ROBO1: variants seen among roughly 807,000 people sequenced by gnomAD.
ROBO1 encodes the protein roundabout homolog 1.
Under a neutral mutation model 195.9 loss-of-function variants are expected in ROBO1, and 149 were observed. That is an observed-to-expected ratio of 0.76 (90% CI 0.67 to 0.87). ROBO1 has a LOEUF of 0.87. Among genes scored for constraint, ROBO1 ranks in the 40% least tolerant of loss-of-function variants. ROBO1 has a pLI of 0.00. For synonymous variants in ROBO1, 816 were observed against 733.2 expected, an observed-to-expected ratio of 1.11 and a Z score of -1.82; for missense variants, 1,933 against 2,068.3, an observed-to-expected ratio of 0.93 and a Z score of 1.27.
At chr3:79,005,354 A>G (rs1391897624) in intron 3 of ROBO1, among the ~76,000 whole-genome samples, 2 of 152,214 alleles carry the variant, frequency 1.3e-5, no homozygotes, top group African/African-American at 4.8e-5. Context: ...GATGTCTTAC[A>G]TGAGTAATGC....
chr3:79,547,635 T>C (rs1451433906), intron 2 of ROBO1, among the ~76,000 whole-genome samples: 1 of 152,190 alleles, frequency 6.6e-6, no homozygotes, highest in Non-Finnish European at 1.5e-5. Context: ...ATGTATGTGA[T>C]ACTTGTGCAG....
At chr3:78,687,952 A>G (rs1309269931) in intron 9 of ROBO1, among the ~76,000 whole-genome samples, 10 of 152,202 alleles carry the variant, frequency 6.6e-5, no homozygotes, top group Admixed American at 6.6e-4. Flanking sequence ...TTATTGAAGA[A>G]GGCAAACCAT....
intron 1 of ROBO1, among the ~76,000 whole-genome samples, chr3:79,646,178 A>G (rs919673763): frequency 3.9e-5 from 6 of 152,166 alleles, no homozygotes; most frequent in Non-Finnish European, 5.9e-5. Context: ...ATTAATAACC[A>G]GAATACAAAA....
In ROBO1 at chr3:78,694,075, T is replaced by G. The variant is rs373885887; in HGVS notation, c.1046-5303A>C. ...GGTGCATAGAAAAAAGTGAATAAAT[T>G]ACAAGAACTAAGAAAACTTTATAAT... is the stretch of plus-strand genomic sequence containing the variant. On this transcript the variant is annotated intron_variant, in intron 8 of 30. Transcript: ENST00000464233. Among the ~76,000 whole-genome samples the G allele has an allele frequency of 3.9e-5, 6 of 152,284 alleles. No homozygotes were observed. In the East Asian group the frequency reaches 5.8e-4, roughly 15 times the overall value.
intron 4 of ROBO1, among the ~76,000 whole-genome samples, chr3:78,930,583 T>C (rs1481969896): frequency 6.6e-6 from 1 of 152,162 alleles, no homozygotes; most frequent in Non-Finnish European, 1.5e-5. Flanking sequence ...TAATCCAAAC[T>C]TCCAATTCCA....
At chr3:79,341,730 T>C (rs1358740632) in intron 2 of ROBO1, among the ~76,000 whole-genome samples, 2 of 152,186 alleles carry the variant, frequency 1.3e-5, no homozygotes, top group Non-Finnish European at 1.5e-5. Context: ...CATCTATTTA[T>C]AGTAGTTTTT....
intron 2 of ROBO1, among the ~76,000 whole-genome samples, chr3:79,478,513 T>C (rs1938660942): frequency 2.6e-5 from 4 of 152,278 alleles, no homozygotes; most frequent in Admixed American, 1.3e-4. Flanking sequence ...TATTTATATG[T>C]CGATTGTGCA....
At chr3:79,164,159 A>T (rs1284886012) in intron 2 of ROBO1, among the ~76,000 whole-genome samples, 1 of 152,180 alleles carries the variant, frequency 6.6e-6, no homozygotes. Flanking sequence ...AGTCCTCAAC[A>T]TTACACAGTG....
intron 2 of ROBO1, among the ~76,000 whole-genome samples, chr3:79,129,638 C>A (rs1559681869): frequency 6.6e-6 from 1 of 151,824 alleles, no homozygotes; most frequent in Admixed American, 6.6e-5. Context: ...TTTTAATTGA[C>A]AAATTTAAAT....
intron 4 of ROBO1, among the ~76,000 whole-genome samples, chr3:78,851,646 G>A (rs1329523969): frequency 6.6e-6 from 1 of 152,142 alleles, no homozygotes; most frequent in African/African-American, 2.4e-5. Context: ...AAGGGCACCT[G>A]AAAGCAGATG....
At chr3:79,580,777 T>C (rs11127649) in intron 2 of ROBO1, among the ~76,000 whole-genome samples, 87,743 of 152,004 alleles carry the variant, frequency 0.58, 26,845 homozygotes, top group African/African-American at 0.8. Flanking sequence ...TCAAAATTTG[T>C]AGTGGACACT....
intron 24 of ROBO1, among the ~76,000 whole-genome samples, chr3:78,632,887 G>C (rs760322054): frequency 2.0e-5 from 3 of 152,024 alleles, no homozygotes; most frequent in Non-Finnish European, 4.4e-5. Context: ...CTTAATTCAG[G>C]ATTGACTTAG....
At chr3:78,897,245 C>T (rs989213645) in intron 4 of ROBO1, among the ~76,000 whole-genome samples, 2 of 152,206 alleles carry the variant, frequency 1.3e-5, no homozygotes, top group African/African-American at 2.4e-5. Context: ...CACACCTCCA[C>T]TCAATTAGTT....
chr3:79,537,134 T>A (rs565508125), intron 2 of ROBO1, among the ~76,000 whole-genome samples: 3 of 151,482 alleles, frequency 2.0e-5, no homozygotes, highest in Non-Finnish European at 4.4e-5. Flanking sequence ...GACTCAACAC[T>A]TTTATTTCCA....
At chr3:79,067,401 T>A (rs1356569535) in intron 3 of ROBO1, among the ~76,000 whole-genome samples, 2 of 151,934 alleles carry the variant, frequency 1.3e-5, no homozygotes, top group African/African-American at 2.4e-5. Context: ...TTTAAAGAGG[T>A]ATTATTTATG....
intron 4 of ROBO1, among the ~76,000 whole-genome samples, chr3:78,856,556 G>T (rs988247670): frequency 2.0e-5 from 3 of 151,060 alleles, no homozygotes; most frequent in Non-Finnish European, 4.4e-5. Flanking sequence ...ACCAATAATT[G>T]CAAGAGTCCA....
At chr3:79,008,009 C>T (rs1037507165) in intron 3 of ROBO1, among the ~76,000 whole-genome samples, 3 of 152,182 alleles carry the variant, frequency 2.0e-5, no homozygotes, top group Admixed American at 1.3e-4. Flanking sequence ...TTTTTCAGAT[C>T]ACCACTCCTA....
At chr3:79,150,046 C>T (rs1331477413) in intron 2 of ROBO1, among the ~76,000 whole-genome samples, 1 of 151,716 alleles carries the variant, frequency 6.6e-6, no homozygotes, top group Non-Finnish European at 1.5e-5. Flanking sequence ...GAGTGTTTAA[C>T]TCTCAGACAT....
chr3:78,872,370 C>G (rs12495133), intron 4 of ROBO1, among the ~76,000 whole-genome samples: 1 of 152,034 alleles, frequency 6.6e-6, no homozygotes, highest in African/African-American at 2.4e-5. Context: ...TGGGGGAAGG[C>G]ACAATTGTCT....
Sources: allele counts gnomAD v4.1 joint callset (sites outside exome capture counted in the v4.1 genomes callset), GRCh38; gene constraint gnomAD v4.1.1; transcripts MANE v1.5; gene names NCBI Gene and HGNC (gene_info 2026-07-23, HGNC 2026-07-21).